The following PLGRKT variants were observed in gnomAD, a reference collection of about 807,000 sequenced individuals.
PLGRKT encodes plasminogen receptor (KT).
Under a neutral mutation model 18.5 loss-of-function variants are expected in PLGRKT, and 22 were observed. The ratio of observed to expected loss-of-function variants is 1.19; its 90% CI spans 0.85 to 1.70. The LOEUF (loss-of-function observed/expected upper bound fraction) is 1.70, where lower values mean the gene tolerates loss of function less well. Among genes scored for constraint, PLGRKT ranks in the 40% most tolerant of loss-of-function variants. The pLI is 0.00. For missense variants in PLGRKT, 235 were observed against 174.4 expected (o/e 1.35, Z -1.96); for synonymous variants, 72 against 52.8 (o/e 1.36, Z -1.58).
chr9:5,391,125 C>T (rs1406906830), intron 3 of PLGRKT, among the ~76,000 whole-genome samples: 2 of 151,898 alleles, frequency 1.3e-5, no homozygotes, highest in East Asian at 1.9e-4. Flanking sequence ...AAAAACTTGA[C>T]TTAAATGGTT....
At position 5,386,496 on chromosome 9, in the gene PLGRKT, A is replaced by C. The variant is rs146265768; in HGVS notation, c.82-24608T>G. ...ATCATATGATATGCAGTGGACCCCC[A>C]CACACACACAACAAAACAATTTTCA... On this transcript the variant is annotated intron_variant, in intron 3 of 5. Transcript: ENST00000223864. 4.3e-3 allele frequency among the ~76,000 whole-genome samples: 647 copies of C among 151,748 alleles called. 5 individuals are homozygous for C. The highest frequency in any genetic ancestry group is 7.0e-3 in the Non-Finnish European group (476 of 67,948).
intron 2 of PLGRKT, among the ~76,000 whole-genome samples, chr9:5,434,557 C>G (rs1818919375): frequency 6.7e-6 from 1 of 148,498 alleles, no homozygotes; most frequent in Non-Finnish European, 1.5e-5. Flanking sequence ...CGCCTCTGCC[C>G]AGCCGCCCCG....
At chr9:5,421,192 G>A (rs1245754686) in intron 3 of PLGRKT, among the ~76,000 whole-genome samples, 7 of 152,134 alleles carry the variant, frequency 4.6e-5, no homozygotes, top group Non-Finnish European at 8.8e-5. Context: ...CCTCTTTGCT[G>A]TTCTTCCAAC....
chr9:5,404,195 T>G (rs1427193708), intron 3 of PLGRKT, among the ~76,000 whole-genome samples: 4 of 152,068 alleles, frequency 2.6e-5, no homozygotes, highest in Non-Finnish European at 5.9e-5. Context: ...CTACCAGAAG[T>G]ACAAAGAAGA....
At position 5,407,880 on chromosome 9, in the gene PLGRKT, G is replaced by C. The variant is rs1480478859; in HGVS notation, c.81+24017C>G. 3.9e-5 allele frequency among the ~76,000 whole-genome samples: 6 copies of C among 152,104 alleles called. No individual in the cohort carries two copies. The East Asian group carries it at 1.2e-3, about 29-fold the overall frequency. On this transcript the variant is annotated intron_variant, in intron 3 of 5. Coordinates refer to ENST00000223864, the MANE Select transcript of PLGRKT (RefSeq NM_018465.4). ...CACTCTTAATTGCATCTGTAACTAT[G>C]TGTGTGTGTGTCTGTGTGTGTATGA...
At chr9:5,388,973 A>G (rs1447779776) in intron 3 of PLGRKT, among the ~76,000 whole-genome samples, 1 of 152,024 alleles carries the variant, frequency 6.6e-6, no homozygotes, top group Admixed American at 6.5e-5. Flanking sequence ...GAAAATACCT[A>G]CAGTTGATAA....
intron 3 of PLGRKT, among the ~76,000 whole-genome samples, chr9:5,401,595 C>A (rs963172409): frequency 5.9e-5 from 9 of 151,764 alleles, no homozygotes; most frequent in Admixed American, 5.9e-4. Context: ...TTAAGCAGAG[C>A]CTTCCATCTA....
chr9:5,376,787 C>T (rs972529672), intron 3 of PLGRKT, among the ~76,000 whole-genome samples: 1 of 152,150 alleles, frequency 6.6e-6, no homozygotes, highest in African/African-American at 2.4e-5. Flanking sequence ...CACATACATA[C>T]ATATAATCAT....
At chr9:5,419,846 T>C (rs913516255) in intron 3 of PLGRKT, among the ~76,000 whole-genome samples, 1 of 152,206 alleles carries the variant, frequency 6.6e-6, no homozygotes, top group Non-Finnish European at 1.5e-5. Context: ...AAAATTACCA[T>C]ATGACTCCGC....
intron 3 of PLGRKT, among the ~76,000 whole-genome samples, chr9:5,412,030 T>C (rs142580890): frequency 1.2e-4 from 19 of 152,314 alleles, no homozygotes; most frequent in African/African-American, 4.3e-4. Flanking sequence ...TACAATGGTA[T>C]AGTAGCCTCA....
intron 3 of PLGRKT, among the ~76,000 whole-genome samples, chr9:5,427,675 T>A (rs1014083762): frequency 6.6e-6 from 1 of 152,180 alleles, no homozygotes; most frequent in East Asian, 1.9e-4. Context: ...TTGGACCATA[T>A]CCCCCACAGA....
At chr9:5,427,880 G>C (rs1189232521) in intron 3 of PLGRKT, among the ~76,000 whole-genome samples, 1 of 152,206 alleles carries the variant, frequency 6.6e-6, no homozygotes, top group South Asian at 2.1e-4. Flanking sequence ...CTCTTGCCTA[G>C]ATGGTGGTGA....
At chr9:5,363,384 C>T (rs1817311284) in intron 3 of PLGRKT, among the ~76,000 whole-genome samples, 1 of 151,802 alleles carries the variant, frequency 6.6e-6, no homozygotes, top group Non-Finnish European at 1.5e-5. Flanking sequence ...GGCTTATATT[C>T]ACTCCCAAGT....
At chr9:5,401,005 T>A (rs954800691) in intron 3 of PLGRKT, among the ~76,000 whole-genome samples, 2 of 151,948 alleles carry the variant, frequency 1.3e-5, no homozygotes, top group African/African-American at 4.9e-5. Context: ...AGATAAGATC[T>A]TAAGATAGTT....
intron 3 of PLGRKT, among the ~76,000 whole-genome samples, chr9:5,395,543 T>C (rs1248874629): frequency 3.9e-5 from 6 of 151,940 alleles, no homozygotes; most frequent in Admixed American, 3.9e-4. Context: ...TAAGAAAGTA[T>C]TGACTCATGT....
intron 3 of PLGRKT, among the ~76,000 whole-genome samples, chr9:5,411,384 CAAAAAA>C (rs78144379): frequency 1.6e-5 from 2 of 122,460 alleles, no homozygotes; most frequent in Non-Finnish European, 3.4e-5. Context: ...GACCCTGTTT[CAAAAAA>C]AAAAAAAAAG....
intron 3 of PLGRKT, among the ~76,000 whole-genome samples, chr9:5,411,781 A>T (rs1818371065): frequency 6.6e-6 from 1 of 152,244 alleles, no homozygotes; most frequent in African/African-American, 2.4e-5. Context: ...TCTTTAGTTT[A>T]GCCTACAGTT....
intron 3 of PLGRKT, among the ~76,000 whole-genome samples, chr9:5,417,008 T>C (rs1397208013): frequency 3.3e-5 from 5 of 152,232 alleles, no homozygotes; most frequent in Non-Finnish European, 7.3e-5. Context: ...ACATTTTTAG[T>C]AGGCTCTTTA....
Position 5,424,603 on chromosome 9 carries a change from ATATAT to A in PLGRKT, c.81+7289_81+7293del, listed in dbSNP as rs1172486639. Among the ~76,000 whole-genome samples, 60 of 132,164 alleles carry A rather than the reference ATATAT, an allele frequency of 4.5e-4. No homozygotes were observed. In the East Asian group the frequency reaches 5.8e-3, roughly 13 times the overall value. 86.7% of individuals were successfully genotyped at this position (132,164 alleles called of 152,430 possible). On this transcript the variant is annotated intron_variant, in intron 3 of 5. Coordinates refer to ENST00000223864, the MANE Select transcript of PLGRKT (RefSeq NM_018465.4). ...ACTTATTATATTATACAGTAATATAATATATTATTTATTATATTATATTATATTAA... is the reference window on the plus strand; with the variant it reads ...ACTTATTATATTATACAGTAATATAATATTTATTATATTATATTATATTAA...
Sources: gnomAD v4.1 joint callset for allele counts (sites outside exome capture counted in the v4.1 genomes callset) on GRCh38, gnomAD v4.1.1 for gene constraint, MANE v1.5 for transcripts, NCBI Gene and HGNC (gene_info 2026-07-23, HGNC 2026-07-21) for gene names.